STAU1: variants seen among roughly 807,000 people sequenced by gnomAD.
STAU1 encodes staufen double-stranded RNA binding protein 1.
A neutral mutation model predicts 62.9 loss-of-function variants in STAU1; 13 were observed. That is an observed-to-expected ratio of 0.21 (90% confidence interval 0.13 to 0.33). The LOEUF is 0.33. STAU1 is among the 10% of genes least tolerant of loss of function. The pLI is 1.00. For missense variants in STAU1, 571 were observed against 712.1 expected (o/e 0.80, Z 2.25); for synonymous variants, 269 against 265.1 (o/e 1.01, Z -0.14).
chr20:49,167,890 C>A (rs2093548008), intron 2 of STAU1, among the ~76,000 whole-genome samples: 1 of 152,060 alleles, frequency 6.6e-6, no homozygotes, highest in Non-Finnish European at 1.5e-5. Context: ...AAAAAATGAG[C>A]TAGGAGTAAA....
intron 2 of STAU1, among the ~76,000 whole-genome samples, chr20:49,173,994 C>T (rs530500661): frequency 6.6e-6 from 1 of 152,326 alleles, no homozygotes; most frequent in South Asian, 2.1e-4. Context: ...AGAACATAGG[C>T]TTTACATTCT....
intron 8 of STAU1, among the ~76,000 whole-genome samples, chr20:49,120,819 G>A (rs188481211): frequency 2.2e-3 from 337 of 152,110 alleles, no homozygotes; most frequent in African/African-American, 7.9e-3. Context: ...GGGATAGACA[G>A]GGTCTCACTT....
At chr20:49,213,780 A>G in the STAU1 span, among the ~76,000 whole-genome samples, 1 of 152,228 alleles carries the variant, frequency 6.6e-6, no homozygotes, top group Admixed American at 6.5e-5. Context: ...TGTCTCTTTC[A>G]AACTCTGTTT....
chr20:49,161,564 T>G (rs193021565), intron 3 of STAU1, among the ~76,000 whole-genome samples: 1 of 152,286 alleles, frequency 6.6e-6, no homozygotes, highest in Non-Finnish European at 1.5e-5. Flanking sequence ...ATATTTACCT[T>G]ACAGTGAGCT....
At chr20:49,171,103 C>T (rs1019524241) in intron 2 of STAU1, among the ~76,000 whole-genome samples, 9 of 152,200 alleles carry the variant, frequency 5.9e-5, no homozygotes, top group Admixed American at 4.6e-4. Flanking sequence ...AGACACAAGA[C>T]GACATCTTTC....
intron 2 of STAU1, among the ~76,000 whole-genome samples, chr20:49,167,587 AAC>A: frequency 6.6e-6 from 1 of 152,362 alleles, no homozygotes; most frequent in East Asian, 1.9e-4. Flanking sequence ...AGAACAAAAT[AAC>A]AGAGGCGTTC....
In STAU1 at chr20:49,134,551, C is replaced by G. The variant is rs184906523; in HGVS notation, c.609+1282G>C. The stretch of plus-strand genomic sequence containing the variant: ...TCGGAAACATAGCACTGTTACCTAT[C>G]AGAAGTCAATTCAAAGGACCTGCCC... On this transcript the variant is annotated intron_variant, in intron 6 of 13. Transcript: ENST00000371856. 111 of 1,281,126 alleles carry G rather than the reference C, an allele frequency of 8.7e-5. 1 individual carries two copies. The African/African-American group carries it at 1.4e-3, about 16-fold the overall frequency. The allele number at this position is 1,281,126 out of a possible 1,614,324, so 79.4% of individuals were successfully genotyped here.
rs942475388 is a variant in STAU1, at chr20:49,188,304, G to C, written c.-348C>G. ...GTCAAAGGAAGCGGGAGCCGAGAGA[G>C]ACGCGGCAGCCGCCGGCGCAAACGC... On this transcript the variant is annotated 5_prime_UTR_variant, in exon 1 of 14. Transcript: ENST00000371856. 1 of 152,120 alleles carries C rather than the reference G, an allele frequency of 6.6e-6. No homozygotes were observed. The highest frequency in any genetic ancestry group is 2.4e-5 in the African/African-American group (1 of 41,498). The allele number at this position is 152,120 out of a possible 1,614,324, so 9.4% of individuals were successfully genotyped here.
the STAU1 span, among the ~76,000 whole-genome samples, chr20:49,203,457 G>T: frequency 6.6e-6 from 1 of 152,044 alleles, no homozygotes; most frequent in Non-Finnish European, 1.5e-5. Context: ...TTCTAACCAG[G>T]ATGATCAATA....
At chr20:49,171,918 T>A (rs1274868249) in intron 2 of STAU1, among the ~76,000 whole-genome samples, 9 of 130,986 alleles carry the variant, frequency 6.9e-5, no homozygotes, top group East Asian at 4.3e-4. Context: ...CAAACTACTT[T>A]AAAAAAAAAA....
intron 5 of STAU1, among the ~76,000 whole-genome samples, chr20:49,146,471 C>T (rs2093134614): frequency 6.6e-6 from 1 of 151,994 alleles, no homozygotes; most frequent in Non-Finnish European, 1.5e-5. Context: ...GGAGGCCAAG[C>T]TGGGCAGATC....
chr20:49,135,093 A>G (rs2092847334), intron 6 of STAU1: 10 of 994,264 alleles, frequency 1.0e-5, no homozygotes, highest in Non-Finnish European at 1.6e-5. Flanking sequence ...TTTTGCCTTT[A>G]TTCGTAACGT....
At chr20:49,144,481 C>T (rs994166042) in intron 5 of STAU1, among the ~76,000 whole-genome samples, 3 of 152,144 alleles carry the variant, frequency 2.0e-5, no homozygotes, top group Admixed American at 6.6e-5. Context: ...TCACAGTCTG[C>T]GATTTTGCTT....
At chr20:49,124,677 G>A in intron 6 of STAU1, 90 bp from the exon 7 acceptor site, 1 of 1,355,782 alleles carries the variant, frequency 7.4e-7, no homozygotes, top group Non-Finnish European at 1.0e-6. Context: ...CACAGACACA[G>A]GGAAGGGGAA....
the STAU1 span, among the ~76,000 whole-genome samples, chr20:49,201,632 T>G: frequency 1.3e-5 from 2 of 151,370 alleles, no homozygotes; most frequent in African/African-American, 4.9e-5. Flanking sequence ...ATTCCAGCTA[T>G]TCAGGAGGCT....
intron 3 of STAU1, among the ~76,000 whole-genome samples, chr20:49,156,821 T>G (rs1429153625): frequency 6.6e-6 from 1 of 152,174 alleles, no homozygotes; most frequent in Non-Finnish European, 1.5e-5. Context: ...CTTATCCTTT[T>G]TTGTTGTTTT....
chr20:49,165,924 C>G (rs1168888140), intron 3 of STAU1, 73 bp downstream of exon 3: 3 of 1,513,672 alleles, frequency 2.0e-6, no homozygotes, highest in Non-Finnish European at 2.7e-6. Flanking sequence ...CTCCCTAAAT[C>G]TGCAACCTAT....
At chr20:49,134,360 G>A (rs2092821533) in intron 6 of STAU1, 1 of 440,650 alleles carries the variant, frequency 2.3e-6, no homozygotes, top group African/African-American at 2.0e-5. Flanking sequence ...GAATCTGGGA[G>A]GTGGAGGTTG....
intron 5 of STAU1, among the ~76,000 whole-genome samples, chr20:49,138,940 G>C (rs1053843646): frequency 6.6e-6 from 1 of 152,028 alleles, no homozygotes; most frequent in Non-Finnish European, 1.5e-5. Context: ...TTACAGGTTG[G>C]TGCAAAAGTA....
Sources: gnomAD v4.1 joint callset for allele counts (sites outside exome capture counted in the v4.1 genomes callset) on GRCh38, gnomAD v4.1.1 for gene constraint, MANE v1.5 for transcripts, NCBI Gene and HGNC (gene_info 2026-07-23, HGNC 2026-07-21) for gene names.